Variants in TOM1 observed in about 807,000 individuals in gnomAD.
TOM1 encodes target of myb1 membrane trafficking protein.
In TOM1, 38 loss-of-function variants were observed where a neutral mutation model predicts 61.3. That is an observed-to-expected ratio of 0.62 (90% CI 0.48 to 0.81). The LOEUF (loss-of-function observed/expected upper bound fraction) is 0.81, where lower values mean the gene tolerates loss of function less well. Among genes scored for constraint, TOM1 ranks in the 40% least tolerant of loss-of-function variants. The pLI, the probability that TOM1 is intolerant of heterozygous loss-of-function variation, is 0.00. For synonymous variants in TOM1, 270 were observed against 268.8 expected, an observed-to-expected ratio of 1.00 and a Z score of -0.04; for missense variants, 591 against 659.6, an observed-to-expected ratio of 0.90 and a Z score of 1.14.
intron 10 of TOM1, 108 bp downstream of exon 10, chr22:35,333,605 T>TG (rs1274801904): frequency 1.0e-6 from 1 of 987,408 alleles, no homozygotes; most frequent in African/African-American, 1.6e-5. Flanking sequence ...AGTGTCAGTC[T>TG]GGACCCCACC....
At chr22:35,329,353 G>C (rs1297304586) in intron 7 of TOM1, among the ~76,000 whole-genome samples, 1 of 152,162 alleles carries the variant, frequency 6.6e-6, no homozygotes, top group Non-Finnish European at 1.5e-5. Flanking sequence ...AACAAACAAA[G>C]GACATTAGAG....
chr22:35,329,131 T>C (rs1323771555), intron 7 of TOM1, among the ~76,000 whole-genome samples: 3 of 152,128 alleles, frequency 2.0e-5, no homozygotes, highest in African/African-American at 4.8e-5. Context: ...AATTTTTGTA[T>C]TATTAGTAGA....
chr22:35,333,109 G>A, intron 9 of TOM1, 95 bp downstream of exon 9: 1 of 1,345,298 alleles, frequency 7.4e-7, no homozygotes, highest in Non-Finnish European at 1.1e-6. Context: ...TGGACAGGGT[G>A]GTGCTGTCTT....
intron 12 of TOM1, among the ~76,000 whole-genome samples, chr22:35,339,880 G>A (rs1309762506): frequency 1.3e-5 from 2 of 151,026 alleles, no homozygotes; most frequent in East Asian, 3.9e-4. Context: ...CTCCAACCTG[G>A]GCGACAGAGC....
chr22:35,313,801 A>G (rs1018660194), intron 1 of TOM1, among the ~76,000 whole-genome samples: 5 of 152,348 alleles, frequency 3.3e-5, no homozygotes, highest in African/African-American at 1.2e-4. Context: ...CCGAAGCCAC[A>G]GGCTTGCCAG....
intron 1 of TOM1, among the ~76,000 whole-genome samples, chr22:35,307,509 G>T (rs1480223410): frequency 1.3e-5 from 2 of 152,200 alleles, no homozygotes; most frequent in Admixed American, 6.5e-5. Context: ...AGAAGAGCTG[G>T]GTTCAGGTGC....
chr22:35,322,231 C>A, intron 3 of TOM1, 194 bp downstream of exon 3: 1 of 584,564 alleles, frequency 1.7e-6, no homozygotes, highest in Non-Finnish European at 3.0e-6. Flanking sequence ...AAGGTTCTCC[C>A]CAATCCCCCA....
At chr22:35,346,767 A>T (rs1930533702) in intron 13 of TOM1, among the ~76,000 whole-genome samples, 163 bp from the exon 14 acceptor site, 1 of 152,026 alleles carries the variant, frequency 6.6e-6, no homozygotes. Flanking sequence ...CTCAGGGAGG[A>T]GCCCAGGTCC....
chr22:35,309,514 G>A (rs1178237307), intron 1 of TOM1, among the ~76,000 whole-genome samples: 2 of 152,024 alleles, frequency 1.3e-5, no homozygotes, highest in East Asian at 3.9e-4. Flanking sequence ...TGTGGTGGTG[G>A]GCGCCTGTAA....
intron 1 of TOM1, among the ~76,000 whole-genome samples, chr22:35,306,488 C>T (rs1175017909): frequency 6.6e-6 from 1 of 152,158 alleles, no homozygotes; most frequent in Non-Finnish European, 1.5e-5. Context: ...ATCAGCTGTA[C>T]ACATATTAGT....
rs182910201 is a variant in TOM1 at position 35,324,731 on chromosome 22, G to C, written c.648+817G>C. Among the ~76,000 whole-genome samples the C allele has an allele frequency of 4.6e-5, 7 of 152,184 alleles. No individual in the cohort carries two copies. The East Asian group carries it at 1.4e-3, about 29-fold the overall frequency. On this transcript the variant is annotated intron_variant, in intron 6 of 14. Coordinates refer to ENST00000449058, the MANE Select transcript of TOM1 (RefSeq NM_005488.3). ...GCCCAGCTAATTTTTTGTATTTTTA[G>C]TAGAGATGGAGTTTCATCATGTTGG...
chr22:35,327,443 A>G, intron 7 of TOM1, 56 bp downstream of exon 7: 2 of 1,239,056 alleles, frequency 1.6e-6, no homozygotes, highest in African/African-American at 1.5e-5. Flanking sequence ...AGCTGCCCAC[A>G]TGCATTCTTT....
In TOM1 at chr22:35,333,474, T is replaced by C; in HGVS notation, c.1004T>C (p.Leu335Pro). The C allele has an allele frequency of 6.2e-7, 1 of 1,614,076 alleles. No individual in the cohort carries two copies. The highest frequency in any genetic ancestry group is 8.5e-7 in the Non-Finnish European group (1 of 1,179,994). Reference protein sequence around the residue: ...MGPDPAATGNLSSQLAGMNLG... With the variant: ...MGPDPAATGNPSSQLAGMNLG... ...CCTGACCCAGCAGCCACCGGCAACC[T>C]CTCATCCCAGCTGGCAGGAATGAGT... Residue 335 changes from leucine to proline, a missense_variant, in exon 10 of 15, where the codon CTC (leucine) becomes CCC (proline). Physicochemically the swap from Leu to Pro is moderately conservative, Grantham distance 98 (BLOSUM62 -3). Transcript: ENST00000449058.
intron 1 of TOM1, among the ~76,000 whole-genome samples, chr22:35,301,048 C>CAAA (rs139553640): frequency 2.2e-4 from 24 of 111,118 alleles, no homozygotes; most frequent in African/African-American, 6.7e-4. Flanking sequence ...CCCGTCTCTA[C>CAAA]AAAAAAAAAA....
At chr22:35,345,805 C>T (rs752962669) in intron 13 of TOM1, 21 bp downstream of exon 13, 1 of 1,612,900 alleles carries the variant, frequency 6.2e-7, no homozygotes, top group South Asian at 1.1e-5. Context: ...GCCCACTCCT[C>T]ACCCACACAG....
chr22:35,343,698 T>C (rs1324820318), intron 12 of TOM1, among the ~76,000 whole-genome samples: 7 of 81,700 alleles, frequency 8.6e-5, no homozygotes, highest in East Asian at 4.2e-4. Context: ...TACACACTCA[T>C]ACACCTACAC....
chr22:35,335,049 A>G (rs540835258), intron 11 of TOM1, among the ~76,000 whole-genome samples: 129 of 152,068 alleles, frequency 8.5e-4, no homozygotes, highest in Non-Finnish European at 1.4e-3. Context: ...GGGTACTTTC[A>G]GCAGCATAGG....
chr22:35,328,118 G>T (rs1569030756), intron 7 of TOM1, among the ~76,000 whole-genome samples: 1 of 152,202 alleles, frequency 6.6e-6, no homozygotes, highest in Non-Finnish European at 1.5e-5. Context: ...TGAGGGCAGC[G>T]CTGTGTCTTC....
chr22:35,316,048 C>T (rs905734961), intron 1 of TOM1, among the ~76,000 whole-genome samples: 6 of 152,276 alleles, frequency 3.9e-5, no homozygotes, highest in African/African-American at 1.4e-4. Context: ...GTTCTACATG[C>T]CTACTCTGGC....
Sources: gnomAD v4.1 joint callset for allele counts (sites outside exome capture counted in the v4.1 genomes callset) on GRCh38, gnomAD v4.1.1 for gene constraint, MANE v1.5 for transcripts, NCBI Gene and HGNC (gene_info 2026-07-23, HGNC 2026-07-21) for gene names.